The following PRKCE variants were observed in gnomAD, a reference collection of about 807,000 sequenced individuals.
The protein encoded by PRKCE is protein kinase C epsilon, also known as protein kinase C epsilon type.
A neutral mutation model predicts 85.4 loss-of-function variants in PRKCE; 16 were observed. The observed-to-expected ratio is 0.19, with a 90% CI of 0.13 to 0.28. The LOEUF is 0.28. Ranked by LOEUF, PRKCE falls within the 10% of genes least tolerant of loss-of-function variation. PRKCE has a pLI of 1.00. For synonymous variants in PRKCE, 388 were observed against 371.5 expected, an observed-to-expected ratio of 1.04 and a Z score of -0.51; for missense variants, 573 against 975.2, an observed-to-expected ratio of 0.59 and a Z score of 5.49.
intron 6 of PRKCE, among the ~76,000 whole-genome samples, chr2:45,992,960 C>T (rs1486249882): frequency 6.6e-6 from 1 of 152,240 alleles, no homozygotes; most frequent in African/African-American, 2.4e-5. Context: ...AAGAGCGCTT[C>T]TCTTTTTGTA....
chr2:45,974,134 T>C (rs1373199249), intron 2 of PRKCE, among the ~76,000 whole-genome samples: 1 of 152,218 alleles, frequency 6.6e-6, no homozygotes, highest in Non-Finnish European at 1.5e-5. Context: ...TTTTTGGTTG[T>C]CATATTTTTG....
intron 1 of PRKCE, among the ~76,000 whole-genome samples, chr2:45,706,363 G>A (rs567163485): frequency 1.3e-5 from 2 of 152,238 alleles, no homozygotes; most frequent in Admixed American, 6.5e-5. Context: ...AGAAAATGAG[G>A]CTCTGAAAGT....
chr2:46,085,743 T>TTTTTG (rs757438576), intron 10 of PRKCE, among the ~76,000 whole-genome samples: 5 of 26,146 alleles, frequency 1.9e-4, no homozygotes, highest in Non-Finnish European at 2.1e-4. Context: ...TCCGTTTTTT[T>TTTTTG]TTTTTGTTTT....
intron 1 of PRKCE, among the ~76,000 whole-genome samples, chr2:45,835,825 C>G (rs925096690): frequency 1.3e-5 from 2 of 152,042 alleles, no homozygotes; most frequent in African/African-American, 4.8e-5. Context: ...GAACTCCTGG[C>G]TTGAAGCGAT....
chr2:45,917,991 C>G (rs1363347968), intron 2 of PRKCE, among the ~76,000 whole-genome samples: 1 of 152,242 alleles, frequency 6.6e-6, no homozygotes, highest in East Asian at 1.9e-4. Flanking sequence ...CAAGCCCACG[C>G]CCACCCGGAA....
Position 46,159,096 on chromosome 2 carries a change from C to A in PRKCE, c.1921-510C>A, listed in dbSNP as rs1016827805. ...GCTGGGTCCAGGAACAGGAAAGGAGCTGGAGGAGGCATTAGTACATTTGAT... is the reference window on the plus strand; with the variant it reads ...GCTGGGTCCAGGAACAGGAAAGGAGATGGAGGAGGCATTAGTACATTTGAT... On this transcript the variant is annotated intron_variant, in intron 13 of 14. Coordinates refer to ENST00000306156, the MANE Select transcript of PRKCE (RefSeq NM_005400.3). This position sits in a 1 kb window ranked among gnomAD's most constrained non-coding sequence, Gnocchi z 4.1. 9.2e-5 allele frequency among the ~76,000 whole-genome samples: 14 copies of A among 152,280 alleles called. 1 individual carries two copies. The East Asian group carries it at 2.7e-3, about 29-fold the overall frequency.
At chr2:46,006,045 A>C (rs1206181548) in intron 8 of PRKCE, among the ~76,000 whole-genome samples, 1 of 152,142 alleles carries the variant, frequency 6.6e-6, no homozygotes, top group Non-Finnish European at 1.5e-5. Context: ...GAGCTCTGCC[A>C]TTGGATGGAT....
At chr2:45,983,241 C>G (rs1703034822) in intron 5 of PRKCE, among the ~76,000 whole-genome samples, 1 of 152,212 alleles carries the variant, frequency 6.6e-6, no homozygotes, top group African/African-American at 2.4e-5. Flanking sequence ...TGCTTGCGTT[C>G]AAGTCGAGCT....
intron 10 of PRKCE, among the ~76,000 whole-genome samples, chr2:46,085,558 G>GGACCTGGATATCTTCTAGAGGAGGA (rs1315975184): frequency 1.4e-5 from 2 of 147,506 alleles, no homozygotes; most frequent in South Asian, 2.3e-4. Flanking sequence ...CCTTTGGCTT[G>GGACCTGGATATCTTCTAGAGGAGGA]TGACTGTTTC....
intron 13 of PRKCE, among the ~76,000 whole-genome samples, chr2:46,154,866 A>G (rs2104550488): frequency 6.6e-6 from 1 of 150,730 alleles, no homozygotes; most frequent in Admixed American, 6.6e-5. Flanking sequence ...TTTATTGTCT[A>G]TTTCCTTCCA....
chr2:45,961,838 G>A (rs550314417), intron 2 of PRKCE, among the ~76,000 whole-genome samples: 2 of 152,182 alleles, frequency 1.3e-5, no homozygotes, highest in African/African-American at 2.4e-5. Context: ...TGGGATTACA[G>A]GCATGTGCCG....
At chr2:45,882,847 T>A (rs1257875716) in intron 2 of PRKCE, among the ~76,000 whole-genome samples, 2 of 152,264 alleles carry the variant, frequency 1.3e-5, no homozygotes, top group African/African-American at 2.4e-5. Context: ...AAGCTCTGGC[T>A]TCTGTCATCA....
chr2:46,015,487 G>C (rs1706046191), intron 10 of PRKCE, among the ~76,000 whole-genome samples: 1 of 152,128 alleles, frequency 6.6e-6, no homozygotes, highest in Non-Finnish European at 1.5e-5. Flanking sequence ...GGGTGAACTA[G>C]AGAATCTCCC....
chr2:45,703,548 A>AG (rs1553382697), intron 1 of PRKCE, among the ~76,000 whole-genome samples: 2 of 151,718 alleles, frequency 1.3e-5, no homozygotes, highest in African/African-American at 4.8e-5. Context: ...TAAAAAAAAA[A>AG]GAATAAAGAA....
chr2:45,795,245 C>T (rs1297552732), intron 1 of PRKCE, among the ~76,000 whole-genome samples: 1 of 152,162 alleles, frequency 6.6e-6, no homozygotes, highest in Non-Finnish European at 1.5e-5. Flanking sequence ...CTCAACTCTC[C>T]CACCACCCCG....
At chr2:45,935,714 G>A (rs551191270) in intron 2 of PRKCE, among the ~76,000 whole-genome samples, 15 of 151,600 alleles carry the variant, frequency 9.9e-5, no homozygotes, top group African/African-American at 2.9e-4. Context: ...GAACCCAGGA[G>A]GCAGAGGTTG....
intron 13 of PRKCE, among the ~76,000 whole-genome samples, chr2:46,153,083 A>G (rs1462459316): frequency 6.6e-6 from 1 of 151,846 alleles, no homozygotes; most frequent in Non-Finnish European, 1.5e-5. Context: ...TCTATTGAGC[A>G]CTTCCAACAT....
rs1443936062 is a variant in PRKCE at position 45,652,035 on chromosome 2, G to A, written c.-66G>A. On this transcript the variant is annotated 5_prime_UTR_variant, in exon 1 of 15. Coordinates refer to ENST00000306156, the MANE Select transcript of PRKCE (RefSeq NM_005400.3). The surrounding 1 kb of genome is among the most constrained non-coding windows in gnomAD (Gnocchi z 7.7). ...TCCCTGTGGCTCGGAGTGCCGGGCC[G>A]TCGGTTCTTCATTCCTGCCCTCGGG... 3 of 1,307,662 alleles carry A rather than the reference G, an allele frequency of 2.3e-6. No homozygotes were observed. The highest frequency in any genetic ancestry group is 4.7e-5 in the East Asian group (2 of 42,820). 81.0% of individuals were successfully genotyped at this position (1,307,662 alleles called of 1,614,324 possible). A position where few individuals can be genotyped will look rare whatever the true frequency, so the allele number is the denominator to read the frequency against.
rs1675264204 is a variant in PRKCE at position 46,139,094 on chromosome 2, A to C, written c.1593-5999A>C. Among the ~76,000 whole-genome samples the C allele has an allele frequency of 6.6e-6, 1 of 152,200 alleles. No homozygotes were observed. The highest frequency in any genetic ancestry group is 2.4e-5 in the African/African-American group (1 of 41,452). On this transcript the variant is annotated intron_variant, in intron 11 of 14. Coordinates refer to ENST00000306156, the MANE Select transcript of PRKCE (RefSeq NM_005400.3). The surrounding 1 kb of genome is among the most constrained non-coding windows in gnomAD (Gnocchi z 5.2). ...GCAAAGGCATTCAGGCTGAGGGGGA[A>C]ATGCTAGGAGTGGCCCTCCTAAAAT...
Sources: gnomAD v4.1 joint callset for allele counts (sites outside exome capture counted in the v4.1 genomes callset) on GRCh38, gnomAD v4.1.1 for gene constraint, Gnocchi (gnomAD v3.1) non-coding constraint, MANE v1.5 for transcripts, NCBI Gene and HGNC (gene_info 2026-07-23, HGNC 2026-07-21) for gene names.